The following STAU2 variants were observed in gnomAD, a reference collection of about 807,000 sequenced individuals.
STAU2 encodes the protein staufen double-stranded RNA binding protein 2.
STAU2 carries 20 observed loss-of-function variants against 65.9 expected under a neutral mutation model. The ratio of observed to expected loss-of-function variants is 0.30; its 90% CI spans 0.21 to 0.44. The LOEUF (loss-of-function observed/expected upper bound fraction) is 0.44. STAU2 is among the 20% of genes least tolerant of loss of function. The pLI, the probability that STAU2 is intolerant of heterozygous loss-of-function variation, is 1.00. For missense variants in STAU2, 558 were observed against 683.9 expected (o/e 0.82, Z 2.05); for synonymous variants, 232 against 233.9 (o/e 0.99, Z 0.07).
chr8:73,463,766 G>T (rs183293262), intron 13 of STAU2, among the ~76,000 whole-genome samples: 16 of 152,254 alleles, frequency 1.1e-4, no homozygotes, highest in Admixed American at 9.8e-4. Context: ...TTTGTAAAAT[G>T]ATTTCTGCTG....
At chr8:73,616,669 G>A (rs555367564) in intron 7 of STAU2, among the ~76,000 whole-genome samples, 2 of 152,168 alleles carry the variant, frequency 1.3e-5, no homozygotes, top group African/African-American at 2.4e-5. Flanking sequence ...GTGGTAGCAT[G>A]AGCCTATGGT....
intron 4 of STAU2, among the ~76,000 whole-genome samples, chr8:73,708,644 T>C (rs1177194003): frequency 6.6e-6 from 1 of 152,176 alleles, no homozygotes; most frequent in Admixed American, 6.6e-5. Flanking sequence ...ATTTCTACTT[T>C]AGCAGCTGTG....
chr8:73,456,415 T>A (rs980832632), intron 13 of STAU2, among the ~76,000 whole-genome samples: 1 of 152,200 alleles, frequency 6.6e-6, no homozygotes, highest in Non-Finnish European at 1.5e-5. Context: ...GAGTTATCAA[T>A]CATTCATTCA....
intron 12 of STAU2, among the ~76,000 whole-genome samples, chr8:73,570,406 G>C (rs10102553): frequency 0.8 from 121,128 of 151,498 alleles, 48,769 homozygotes; most frequent in Admixed American, 0.84. Flanking sequence ...TTATCCAGGA[G>C]AACTTCCCCA....
chr8:73,643,033 C>T (rs1005323140), intron 6 of STAU2, among the ~76,000 whole-genome samples: 1 of 152,122 alleles, frequency 6.6e-6, no homozygotes, highest in Non-Finnish European at 1.5e-5. Context: ...AGTCCAGTCT[C>T]CTACATGAAA....
At chr8:73,587,255 T>A (rs146642576) in intron 11 of STAU2, among the ~76,000 whole-genome samples, 1 of 152,000 alleles carries the variant, frequency 6.6e-6, no homozygotes, top group Non-Finnish European at 1.5e-5. Flanking sequence ...GTGGCAAATA[T>A]AAAAAAATTT....
intron 6 of STAU2, among the ~76,000 whole-genome samples, chr8:73,658,934 C>CAA (rs72251012): frequency 0.066 from 6,197 of 94,300 alleles, 125 homozygotes; most frequent in Middle Eastern, 0.1. Context: ...ACAACAACAA[C>CAA]AAAAACAACA....
At chr8:73,583,409 G>A (rs994840916) in intron 11 of STAU2, among the ~76,000 whole-genome samples, 1 of 152,094 alleles carries the variant, frequency 6.6e-6, no homozygotes, top group Admixed American at 6.6e-5. Flanking sequence ...GCCTCCCAAA[G>A]TGCTGGGATT....
chr8:73,739,869 C>T lies in STAU2; in HGVS notation c.-196-1G>A. ...CTAAAGTCCTTGTGGTAGGCAGCCT[C>T]TAACAAATAGAATATAGCAGAAATA... On this transcript the variant is annotated splice_acceptor_variant, in intron 1 of 14. Coordinates refer to ENST00000524300, the MANE Select transcript of STAU2 (RefSeq NM_001164380.2). LOFTEE classifies it low-confidence loss of function (5UTR_SPLICE). The T allele has an allele frequency of 1.9e-6, 2 of 1,048,508 alleles. No homozygotes were observed. The highest frequency in any genetic ancestry group is 1.6e-5 in the African/African-American group (1 of 63,576). 65.0% of individuals were successfully genotyped at this position (1,048,508 alleles called of 1,614,324 possible).
intron 13 of STAU2, among the ~76,000 whole-genome samples, chr8:73,460,095 G>C (rs1819272817): frequency 6.6e-6 from 1 of 152,212 alleles, no homozygotes. Context: ...CCCAAGCTCA[G>C]ATGCAATTCA....
intron 12 of STAU2, among the ~76,000 whole-genome samples, chr8:73,562,101 G>A (rs942357821): frequency 8.5e-5 from 13 of 152,234 alleles, no homozygotes; most frequent in African/African-American, 3.1e-4. Context: ...CCATGATAGA[G>A]ACAAGAAACT....
At chr8:73,568,608 C>A (rs1405354770) in intron 12 of STAU2, among the ~76,000 whole-genome samples, 1 of 149,642 alleles carries the variant, frequency 6.7e-6, no homozygotes. Flanking sequence ...GACCCTATCT[C>A]AAAAAAAAAA....
At chr8:73,545,809 G>A (rs1459130690) in intron 13 of STAU2, among the ~76,000 whole-genome samples, 4 of 151,934 alleles carry the variant, frequency 2.6e-5, no homozygotes, top group Admixed American at 1.3e-4. Flanking sequence ...CACCATGCCT[G>A]GCTAATTTTT....
chr8:73,568,204 A>G (rs1305108843), intron 12 of STAU2, among the ~76,000 whole-genome samples: 1 of 152,106 alleles, frequency 6.6e-6, no homozygotes, highest in Non-Finnish European at 1.5e-5. Flanking sequence ...AATTACTTGT[A>G]CTCCATGTAG....
At chr8:73,568,781 T>A (rs1808815222) in intron 12 of STAU2, among the ~76,000 whole-genome samples, 1 of 152,138 alleles carries the variant, frequency 6.6e-6, no homozygotes, top group Admixed American at 6.5e-5. Flanking sequence ...AACAGATGGA[T>A]CAAGACTTCA....
intron 6 of STAU2, among the ~76,000 whole-genome samples, chr8:73,651,068 C>T (rs1374620914): frequency 6.6e-6 from 1 of 152,220 alleles, no homozygotes; most frequent in Non-Finnish European, 1.5e-5. Context: ...AGCTTTGGCT[C>T]CGTGGACTGG....
intron 6 of STAU2, among the ~76,000 whole-genome samples, chr8:73,640,659 A>G (rs1264214424): frequency 1.3e-5 from 2 of 152,202 alleles, no homozygotes; most frequent in African/African-American, 4.8e-5. Context: ...ATCTTCTACT[A>G]ATTTTTTCAA....
intron 13 of STAU2, among the ~76,000 whole-genome samples, chr8:73,524,411 T>C (rs1054173162): frequency 2.6e-5 from 4 of 152,168 alleles, no homozygotes; most frequent in African/African-American, 9.7e-5. Context: ...ATATAGATGG[T>C]ATTGAATCTT....
At chr8:73,712,846 C>A (rs1331700928) in intron 3 of STAU2, among the ~76,000 whole-genome samples, 1 of 152,188 alleles carries the variant, frequency 6.6e-6, no homozygotes, top group African/African-American at 2.4e-5. Flanking sequence ...CTCCTTGACA[C>A]TCAGAAGGCT....
Sources: allele counts gnomAD v4.1 joint callset (sites outside exome capture counted in the v4.1 genomes callset), GRCh38; gene constraint gnomAD v4.1.1; transcripts MANE v1.5; gene names NCBI Gene and HGNC (gene_info 2026-07-23, HGNC 2026-07-21).